SUZ12: variants seen among roughly 807,000 people sequenced by gnomAD.
The protein encoded by SUZ12 is SUZ12 polycomb repressive complex 2 subunit.
Under a neutral mutation model 87.3 loss-of-function variants are expected in SUZ12, and 17 were observed. The observed-to-expected ratio is 0.19, with a 90% CI of 0.13 to 0.29. The LOEUF (loss-of-function observed/expected upper bound fraction) is 0.29, where lower values mean the gene tolerates loss of function less well. Ranked by LOEUF, SUZ12 falls within the 10% of genes least tolerant of loss-of-function variation. The pLI is 1.00. For missense variants in SUZ12, 526 were observed against 912.2 expected (o/e 0.58, Z 5.45); for synonymous variants, 253 against 312.4 (o/e 0.81, Z 2.01).
At chr17:31,942,611 A>G (rs770174147) in intron 3 of SUZ12, among the ~76,000 whole-genome samples, 2 of 152,312 alleles carry the variant, frequency 1.3e-5, no homozygotes, top group Non-Finnish European at 2.9e-5. Context: ...TGCTGGGATT[A>G]CAGACCTGAG....
At chr17:31,963,934 A>C (rs1379689607) in intron 4 of SUZ12, 1 of 152,302 alleles carries the variant, frequency 6.6e-6, no homozygotes. Context: ...GGCCATAGGC[A>C]CCGGCCCTCT....
At chr17:31,951,698 G>C (rs12953007) in intron 4 of SUZ12, among the ~76,000 whole-genome samples, 1 of 150,802 alleles carries the variant, frequency 6.6e-6, no homozygotes, top group Non-Finnish European at 1.5e-5. Flanking sequence ...GGATGGTCTC[G>C]ATCTCCTGAC....
At chr17:31,983,312 G>A (rs1909221987) in intron 9 of SUZ12, among the ~76,000 whole-genome samples, 1 of 130,940 alleles carries the variant, frequency 7.6e-6, no homozygotes, top group African/African-American at 3.1e-5. Flanking sequence ...GTCTTGCTCT[G>A]TTGCCCAGGC....
In SUZ12 at chr17:32,000,632, TAA is replaced by T. The variant is rs769296762; in HGVS notation, c.*1645_*1646del. ...AATTTGCTAAAGCTGTGCACATATGTAAAAAAAAAAAAAAAAAGATTATTTTA... is the reference window on the plus strand; with the variant it reads ...AATTTGCTAAAGCTGTGCACATATGTAAAAAAAAAAAAAAAGATTATTTTA... On this transcript the variant is annotated 3_prime_UTR_variant, in exon 16 of 16. Transcript: ENST00000322652. The T allele has an allele frequency of 0.016, 3,156 of 197,744 alleles. No homozygotes were observed. Among genetic ancestry groups the T allele is most frequent in the Middle Eastern group, 0.041 (28 of 682 alleles). The allele number at this position is 197,744 out of a possible 1,614,324, so 12.2% of individuals were successfully genotyped here. A position where few individuals can be genotyped will look rare whatever the true frequency, so the allele number is the denominator to read the frequency against.
intron 4 of SUZ12, among the ~76,000 whole-genome samples, chr17:31,960,915 G>C (rs985811869): frequency 6.6e-6 from 1 of 152,100 alleles, no homozygotes; most frequent in African/African-American, 2.4e-5. Context: ...TTGAAATTTA[G>C]AATTCTTTCT....
intron 1 of SUZ12, among the ~76,000 whole-genome samples, chr17:31,937,732 C>T (rs1484270007): frequency 1.2e-4 from 16 of 134,092 alleles, no homozygotes; most frequent in Non-Finnish European, 2.1e-4. Context: ...CGGGCGGGTT[C>T]TTGACTCCCC....
At chr17:31,992,700 G>A (rs918506879) in intron 10 of SUZ12, among the ~76,000 whole-genome samples, 3 of 151,812 alleles carry the variant, frequency 2.0e-5, no homozygotes, top group Non-Finnish European at 4.4e-5. Context: ...GTGAGCCACC[G>A]CGCCCGGCCC....
intron 3 of SUZ12, 40 bp downstream of exon 3, chr17:31,940,526 GT>G: frequency 6.7e-7 from 1 of 1,497,456 alleles, no homozygotes; most frequent in Non-Finnish European, 8.9e-7. Context: ...ATCAAACCAT[GT>G]TAGTTTTATT....
intron 3 of SUZ12, among the ~76,000 whole-genome samples, chr17:31,941,438 G>A (rs1906274631): frequency 1.3e-5 from 2 of 151,896 alleles, no homozygotes; most frequent in Admixed American, 6.6e-5. Context: ...TGTATTTTTA[G>A]TAGAGACAAG....
rs547904975 is a variant in SUZ12, at chr17:31,940,958, C to T, written c.386+472C>T. On this transcript the variant is annotated intron_variant, in intron 3 of 15. Transcript: ENST00000322652. ...CCGGGAGGTGGAGGTTGCAGTGAGC[C>T]GAGATTGCGCCGTTGCACTCCAGCC... is the stretch of plus-strand genomic sequence containing the variant. Among the ~76,000 whole-genome samples, 529 of 150,874 alleles carry T rather than the reference C, an allele frequency of 3.5e-3. 4 individuals carry two copies. Among genetic ancestry groups the T allele is most frequent in the African/African-American group, 0.011 (467 of 41,124 alleles).
At chr17:31,981,379 T>A (rs1371604905) in intron 8 of SUZ12, among the ~76,000 whole-genome samples, 2 of 152,176 alleles carry the variant, frequency 1.3e-5, no homozygotes, top group Non-Finnish European at 2.9e-5. Flanking sequence ...TACACTGAGA[T>A]GCGTTTTTTC....
At position 31,959,039 on chromosome 17, in the gene SUZ12, T is replaced by C. The variant is rs188500572; in HGVS notation, c.456-7108T>C. On this transcript the variant is annotated intron_variant, in intron 4 of 15. Coordinates refer to ENST00000322652, the MANE Select transcript of SUZ12 (RefSeq NM_015355.4). Reference sequence around the variant, plus strand: ...TCTCAAAATAAATAAATAAATAAAATCTGTAGACTACCTCTTAGGTTGGTT... The same window carrying C: ...TCTCAAAATAAATAAATAAATAAAACCTGTAGACTACCTCTTAGGTTGGTT... Among the ~76,000 whole-genome samples, 110 of 152,142 alleles carry C rather than the reference T, an allele frequency of 7.2e-4. 1 individual carries two copies. The highest frequency in any genetic ancestry group is 2.5e-3 in the African/African-American group (104 of 41,534).
chr17:31,999,246 T>C lies in SUZ12; in HGVS notation c.*243T>C, dbSNP rs1189348916. The C allele has an allele frequency of 3.2e-6, 1 of 312,882 alleles. No homozygotes were observed. The highest frequency in any genetic ancestry group is 5.8e-6 in the Non-Finnish European group (1 of 172,088). The allele number at this position is 312,882 out of a possible 1,614,324, so 19.4% of individuals were successfully genotyped here. On this transcript the variant is annotated 3_prime_UTR_variant, in exon 16 of 16. Coordinates refer to ENST00000322652, the MANE Select transcript of SUZ12 (RefSeq NM_015355.4). ...TACTTTAAGCATGAAAAGCAATATT[T>C]CAAAGTATTTTTAAACTCAACAAAT...
intron 14 of SUZ12, 24 bp from the exon 15 acceptor site, chr17:31,996,774 G>A (rs1909999878): frequency 2.0e-6 from 3 of 1,474,528 alleles, no homozygotes; most frequent in Non-Finnish European, 1.8e-6. Context: ...GTGTTTAATA[G>A]GTGTTTTTCT....
chr17:31,944,239 C>A (rs1427181188), intron 3 of SUZ12, among the ~76,000 whole-genome samples: 3 of 151,930 alleles, frequency 2.0e-5, no homozygotes, highest in African/African-American at 7.3e-5. Context: ...AGTGATTCTC[C>A]TGCCTCAGCC....
chr17:31,960,630 T>C (rs1171591940), intron 4 of SUZ12, among the ~76,000 whole-genome samples: 2 of 151,948 alleles, frequency 1.3e-5, no homozygotes, highest in African/African-American at 2.4e-5. Context: ...TAGGCTGGAG[T>C]GCAGTGGTGT....
At chr17:31,974,340 A>C (rs989526793) in intron 6 of SUZ12, among the ~76,000 whole-genome samples, 2 of 152,228 alleles carry the variant, frequency 1.3e-5, no homozygotes, top group Non-Finnish European at 2.9e-5. Context: ...CGAGTGGCTA[A>C]CACGGTGAAA....
At chr17:31,976,669 T>A in intron 8 of SUZ12, 55 bp downstream of exon 8, 1 of 1,267,720 alleles carries the variant, frequency 7.9e-7, no homozygotes, top group Non-Finnish European at 1.1e-6. Context: ...GTTTTCATTC[T>A]GAAGCAGAAT....
At position 31,954,277 on chromosome 17, in the gene SUZ12, G is replaced by A. The variant is rs548175782; in HGVS notation, c.455+6592G>A. 2.4e-4 allele frequency among the ~76,000 whole-genome samples: 36 copies of A among 152,198 alleles called. 1 individual carries two copies. In the East Asian group the frequency reaches 6.8e-3, roughly 29 times the overall value. ...GGGGTTTCACCATATTGGTCAGGCT[G>A]GTTTCGAACTCCTGACCTCGTGTTC... On this transcript the variant is annotated intron_variant, in intron 4 of 15. Coordinates refer to ENST00000322652, the MANE Select transcript of SUZ12 (RefSeq NM_015355.4).
Sources: gnomAD v4.1 joint callset for allele counts (sites outside exome capture counted in the v4.1 genomes callset) on GRCh38, gnomAD v4.1.1 for gene constraint, MANE v1.5 for transcripts, NCBI Gene and HGNC (gene_info 2026-07-23, HGNC 2026-07-21) for gene names.